The following DDX10 variants were observed in gnomAD, a reference collection of about 807,000 sequenced individuals.
DDX10 encodes DEAD-box helicase 10, also known as probable ATP-dependent RNA helicase DDX10.
A neutral mutation model predicts 104.3 loss-of-function variants in DDX10; 74 were observed. The observed-to-expected ratio is 0.71, with a 90% CI of 0.59 to 0.86. The LOEUF (loss-of-function observed/expected upper bound fraction) is 0.86. Ranked by LOEUF, DDX10 falls within the 40% of genes least tolerant of loss-of-function variation. The pLI, the probability that DDX10 is intolerant of heterozygous loss-of-function variation, is 0.00. For missense variants in DDX10, 952 were observed against 1,040.0 expected, an observed-to-expected ratio of 0.92 and a Z score of 1.16; for synonymous variants, 351 against 353.4, an observed-to-expected ratio of 0.99 and a Z score of 0.08.
chr11:108,854,050 C>G (rs1049609325), intron 16 of DDX10, among the ~76,000 whole-genome samples: 3 of 152,158 alleles, frequency 2.0e-5, no homozygotes, highest in Admixed American at 6.5e-5. Flanking sequence ...CCAGAGGGAT[C>G]AGTGGCTGGT....
chr11:108,849,596 T>C (rs1156851544), intron 15 of DDX10, among the ~76,000 whole-genome samples: 1 of 152,140 alleles, frequency 6.6e-6, no homozygotes, highest in Non-Finnish European at 1.5e-5. Flanking sequence ...TTCTGTCCCT[T>C]GTGAATTTGA....
chr11:108,939,797 G>A (rs1864083102), intron 17 of DDX10, among the ~76,000 whole-genome samples: 1 of 152,154 alleles, frequency 6.6e-6, no homozygotes. Flanking sequence ...TTTTATGCAT[G>A]TTCTCTAGAT....
chr11:108,781,271 G>T (rs1017547744), intron 13 of DDX10, among the ~76,000 whole-genome samples: 3 of 152,136 alleles, frequency 2.0e-5, no homozygotes, highest in Non-Finnish European at 4.4e-5. Flanking sequence ...GTATTTCATG[G>T]TGTATATGTG....
chr11:108,938,972 A>T (rs975247728), intron 17 of DDX10, among the ~76,000 whole-genome samples: 1 of 152,046 alleles, frequency 6.6e-6, no homozygotes, highest in Non-Finnish European at 1.5e-5. Context: ...TATTTCTGTG[A>T]TTTTTTTATT....
At chr11:108,683,288 T>C (rs1334651193) in intron 6 of DDX10, among the ~76,000 whole-genome samples, 1 of 152,182 alleles carries the variant, frequency 6.6e-6, no homozygotes, top group Non-Finnish European at 1.5e-5. Context: ...GTGCTCTGTT[T>C]AGGGGTTGGC....
intron 16 of DDX10, among the ~76,000 whole-genome samples, chr11:108,868,845 T>A (rs1863041772): frequency 1.3e-5 from 2 of 152,122 alleles, no homozygotes; most frequent in Non-Finnish European, 2.9e-5. Context: ...ACGTATGTTA[T>A]TTAATTCATT....
intron 16 of DDX10, among the ~76,000 whole-genome samples, chr11:108,858,726 GA>G (rs1862893516): frequency 6.6e-6 from 1 of 152,194 alleles, no homozygotes; most frequent in Non-Finnish European, 1.5e-5. Flanking sequence ...ATTCTTAAAG[GA>G]TGAGTTGTCC....
intron 10 of DDX10, among the ~76,000 whole-genome samples, chr11:108,707,633 G>T (rs1425596803): frequency 6.6e-6 from 1 of 152,150 alleles, no homozygotes; most frequent in Non-Finnish European, 1.5e-5. Context: ...ATAAAGGCTA[G>T]TAAGTTGTCT....
intron 9 of DDX10, among the ~76,000 whole-genome samples, chr11:108,699,128 T>C (rs935819370): frequency 1.3e-5 from 2 of 152,160 alleles, no homozygotes; most frequent in Non-Finnish European, 2.9e-5. Flanking sequence ...TCTAGTATAT[T>C]GATGTACCCT....
chr11:108,825,880 AG>A (rs1192743115), intron 13 of DDX10, among the ~76,000 whole-genome samples: 7 of 152,240 alleles, frequency 4.6e-5, no homozygotes, highest in Admixed American at 1.3e-4. Context: ...TAACTTTGAT[AG>A]GAAATGTAGG....
chr11:108,695,389 C>T (rs553691270), intron 9 of DDX10, among the ~76,000 whole-genome samples: 11 of 152,178 alleles, frequency 7.2e-5, no homozygotes, highest in Non-Finnish European at 1.6e-4. Context: ...CAATTTCATG[C>T]CACAAACTCT....
At chr11:108,738,077 C>G (rs1027329001) in intron 13 of DDX10, among the ~76,000 whole-genome samples, 1 of 151,900 alleles carries the variant, frequency 6.6e-6, no homozygotes, top group Admixed American at 6.6e-5. Context: ...AAATAATGCT[C>G]TCTCCTGTGG....
chr11:108,878,269 A>G (rs1010042712), intron 16 of DDX10, among the ~76,000 whole-genome samples: 16 of 152,208 alleles, frequency 1.1e-4, no homozygotes, highest in African/African-American at 3.9e-4. Flanking sequence ...CCTGGAAGAA[A>G]AGGCAACTCA....
At chr11:108,722,669 T>C (rs2094299723) in intron 12 of DDX10, among the ~76,000 whole-genome samples, 1 of 152,182 alleles carries the variant, frequency 6.6e-6, no homozygotes, top group South Asian at 2.1e-4. Context: ...CCCCATGTTA[T>C]AAGGAAGCTG....
chr11:108,838,062 A>G (rs1385079870), intron 13 of DDX10, among the ~76,000 whole-genome samples: 5 of 152,128 alleles, frequency 3.3e-5, no homozygotes, highest in African/African-American at 1.2e-4. Flanking sequence ...CTACTCTAAA[A>G]ACTTAAGTTT....
chr11:108,712,804 CG>C (rs908297163), intron 10 of DDX10, among the ~76,000 whole-genome samples: 61 of 151,056 alleles, frequency 4.0e-4, no homozygotes, highest in Admixed American at 3.2e-3. Context: ...TTCTCACTTA[CG>C]TTTTTTTTTT....
chr11:108,689,172 G>A (rs2094248660), intron 7 of DDX10, 110 bp downstream of exon 7: 1 of 1,154,870 alleles, frequency 8.7e-7, no homozygotes, highest in Non-Finnish European at 1.2e-6. Context: ...GCTAGGTGTG[G>A]TGAGGGATCT....
intron 15 of DDX10, among the ~76,000 whole-genome samples, chr11:108,849,219 G>A (rs958708272): frequency 1.3e-4 from 20 of 152,148 alleles, no homozygotes; most frequent in African/African-American, 4.8e-4. Flanking sequence ...GCTTACTTTT[G>A]TTAAGCCAGT....
intron 1 of DDX10, among the ~76,000 whole-genome samples, chr11:108,672,640 A>C (rs1333880779): frequency 4.6e-5 from 7 of 152,250 alleles, no homozygotes; most frequent in African/African-American, 1.7e-4. Flanking sequence ...TACTGCCTAG[A>C]GTGTAATTTA....
Sources: allele counts gnomAD v4.1 joint callset (sites outside exome capture counted in the v4.1 genomes callset), GRCh38; gene constraint gnomAD v4.1.1; transcripts MANE v1.5; gene names NCBI Gene and HGNC (gene_info 2026-07-23, HGNC 2026-07-21).